EGF: variants seen among roughly 807,000 people sequenced by gnomAD.
EGF encodes pro-epidermal growth factor.
EGF carries 95 observed loss-of-function variants against 143.8 expected under a neutral mutation model. The observed-to-expected ratio is 0.66, with a 90% CI of 0.56 to 0.78. The LOEUF (loss-of-function observed/expected upper bound fraction) is 0.78, where lower values mean the gene tolerates loss of function less well. Among genes scored for constraint, EGF ranks in the 30% least tolerant of loss-of-function variants. The probability of loss-of-function intolerance (pLI) is 0.00; values close to 1 mark genes in which losing one functional copy is unlikely to be tolerated. For synonymous variants in EGF, 510 were observed against 510.5 expected, an observed-to-expected ratio of 1.00 and a Z score of 0.01; for missense variants, 1,320 against 1,470.9, an observed-to-expected ratio of 0.90 and a Z score of 1.68.
chr4:109,917,615 TTTTTTA>T (rs957980262), intron 1 of EGF, among the ~76,000 whole-genome samples: 24 of 152,024 alleles, frequency 1.6e-4, no homozygotes, highest in African/African-American at 4.6e-4. Context: ...GATCAGTTGG[TTTTTTA>T]TTTTTATTTT....
chr4:109,941,367 T>C (rs1461165377), intron 2 of EGF, among the ~76,000 whole-genome samples: 3 of 152,194 alleles, frequency 2.0e-5, no homozygotes, highest in Non-Finnish European at 4.4e-5. Context: ...AGGATATGAA[T>C]GTAATTTTGA....
intron 21 of EGF, chr4:110,001,602 T>A (rs1382984025): frequency 1.0e-6 from 1 of 985,094 alleles, no homozygotes; most frequent in Non-Finnish European, 1.2e-6. Flanking sequence ...CTATTTGTTG[T>A]GTTATGATAT....
chr4:109,991,220 T>TATATA (rs10649107), intron 18 of EGF, among the ~76,000 whole-genome samples: 34,578 of 151,948 alleles, frequency 0.23, 7,294 homozygotes, highest in African/African-American at 0.54. Context: ...AACATTTTAA[T>TATATA]ATCAGTGTAA....
chr4:110,007,725 G>A lies in EGF; in HGVS notation c.3292-427G>A, dbSNP rs1415608309. On this transcript the variant is annotated intron_variant, in intron 22 of 23. Coordinates refer to ENST00000265171, the MANE Select transcript of EGF (RefSeq NM_001963.6). ...CAAATTACTCAGAACTTGGTAGCAT[G>A]TTTAAATGAGTGTTATTAATGTGTG... Among the ~76,000 whole-genome samples the A allele has an allele frequency of 2.6e-5, 4 of 152,142 alleles. No homozygotes were observed. In the East Asian group the frequency reaches 7.7e-4, roughly 29 times the overall value.
chr4:109,993,171 C>G (rs1751273760), intron 18 of EGF, 76 bp from the exon 19 acceptor site: 5 of 1,599,628 alleles, frequency 3.1e-6, no homozygotes, highest in Non-Finnish European at 4.3e-6. Flanking sequence ...AGCTCCTCTT[C>G]CAAAGGCTGT....
chr4:109,917,850 C>G (rs969263703), intron 1 of EGF, among the ~76,000 whole-genome samples: 1 of 152,078 alleles, frequency 6.6e-6, no homozygotes, highest in Non-Finnish European at 1.5e-5. Context: ...GAACTCCTGA[C>G]CTCAAGTGAT....
At chr4:109,961,600 A>G (rs1210517003) in intron 7 of EGF, among the ~76,000 whole-genome samples, 1 of 152,198 alleles carries the variant, frequency 6.6e-6, no homozygotes, top group Admixed American at 6.5e-5. Flanking sequence ...TGTAAAAAAC[A>G]TAATCATGAT....
rs7653900 is a variant in EGF at position 110,012,699 on chromosome 4, T to C, written c.*1244T>C. On this transcript the variant is annotated 3_prime_UTR_variant, in exon 24 of 24. Coordinates refer to ENST00000265171, the MANE Select transcript of EGF (RefSeq NM_001963.6). The stretch of plus-strand genomic sequence containing the variant: ...CGTATTAGATTATAGGCATTAGCCA[T>C]GGTGCCCAGCCTTGTAACTTTTAAA... Among the ~76,000 whole-genome samples, 42,012 of 152,088 alleles carry C rather than the reference T, an allele frequency of 0.28. 10,749 individuals carry two copies. Among genetic ancestry groups the C allele is most frequent in the African/African-American group, 0.64 (26,608 of 41,428 alleles).
chr4:109,948,498 G>C (rs1031054712), intron 5 of EGF, among the ~76,000 whole-genome samples: 1 of 151,672 alleles, frequency 6.6e-6, no homozygotes, highest in African/African-American at 2.4e-5. Flanking sequence ...TTTTTTTTGG[G>C]GGGGTGGATG....
At chr4:109,968,404 G>T (rs1578290462) in intron 10 of EGF, among the ~76,000 whole-genome samples, 1 of 152,000 alleles carries the variant, frequency 6.6e-6, no homozygotes, top group Admixed American at 6.6e-5. Flanking sequence ...AGTGAAGTGG[G>T]GTGCTACAGA....
intron 1 of EGF, among the ~76,000 whole-genome samples, chr4:109,925,598 A>G (rs1319851646): frequency 6.6e-6 from 1 of 152,356 alleles, no homozygotes; most frequent in East Asian, 1.9e-4. Context: ...AAGAGTCAAC[A>G]TGAGTACTCC....
intron 1 of EGF, among the ~76,000 whole-genome samples, chr4:109,937,604 G>A (rs1232992914): frequency 6.6e-6 from 1 of 151,788 alleles, no homozygotes; most frequent in Non-Finnish European, 1.5e-5. Context: ...TTTCTTCATA[G>A]CGTCCATGGT....
At chr4:109,926,795 A>G (rs1479411108) in intron 1 of EGF, among the ~76,000 whole-genome samples, 1 of 152,246 alleles carries the variant, frequency 6.6e-6, no homozygotes, top group Non-Finnish European at 1.5e-5. Context: ...ACTTTATCCA[A>G]GTTATAGGTG....
At position 109,944,418 on chromosome 4, in the gene EGF, G is replaced by A. The variant is rs138041902; in HGVS notation, c.737+349G>A. On this transcript the variant is annotated intron_variant, in intron 4 of 23. Transcript: ENST00000265171. ...CGTGCCACTGCACTCCAGCCTGGGC[G>A]ACAGAGCGAGACTCCGTCTCAAGAA... is the stretch of plus-strand genomic sequence containing the variant. Among the ~76,000 whole-genome samples the A allele has an allele frequency of 5.3e-4, 81 of 152,350 alleles. No individual in the cohort carries two copies. In the East Asian group the frequency reaches 0.015, roughly 28 times the overall value.
rs1749764030 is a variant in EGF, at chr4:109,984,019, C to A, written c.2491+478C>A. On this transcript the variant is annotated intron_variant, in intron 16 of 23. Coordinates refer to ENST00000265171, the MANE Select transcript of EGF (RefSeq NM_001963.6). The stretch of plus-strand genomic sequence containing the variant: ...GTGTTGCACATTTGTCACTAAAATG[C>A]CAAATCATGTGTTCAGTATGTAACA... 3.3e-5 allele frequency among the ~76,000 whole-genome samples: 5 copies of A among 152,114 alleles called. No individual in the cohort carries two copies. The South Asian group carries it at 8.3e-4, about 25-fold the overall frequency.
At position 109,943,810 on chromosome 4, in the gene EGF, T is replaced by C. The variant is rs768345018; in HGVS notation, c.510-32T>C. 1.6e-5 allele frequency: 26 copies of C among 1,587,154 alleles called. No individual in the cohort carries two copies. In the Middle Eastern group the frequency reaches 5.0e-4, roughly 30 times the overall value. On this transcript the variant is annotated intron_variant, in intron 3 of 23. Transcript: ENST00000265171. ...GGCCATTTAAGGCACTATACATTCA[T>C]TTTTGGGTCTATGTAATGTGTTTGC...
chr4:109,998,670 A>G (rs1752147988), intron 20 of EGF, among the ~76,000 whole-genome samples: 1 of 152,228 alleles, frequency 6.6e-6, no homozygotes, highest in South Asian at 2.1e-4. Flanking sequence ...AGACAGGCCT[A>G]GAGCCCAGAT....
intron 11 of EGF, among the ~76,000 whole-genome samples, chr4:109,971,894 G>C (rs1324060423): frequency 1.3e-5 from 2 of 152,124 alleles, no homozygotes; most frequent in Admixed American, 1.3e-4. Context: ...ATGTAGGAAG[G>C]AAGCACATTG....
intron 5 of EGF, among the ~76,000 whole-genome samples, chr4:109,954,075 G>A (rs749893938): frequency 5.9e-5 from 9 of 151,932 alleles, no homozygotes; most frequent in Non-Finnish European, 8.8e-5. Context: ...ATTTTGAGAC[G>A]GAGTCTCGCT....
Sources: gnomAD v4.1 joint callset for allele counts (sites outside exome capture counted in the v4.1 genomes callset) on GRCh38, gnomAD v4.1.1 for gene constraint, MANE v1.5 for transcripts, NCBI Gene and HGNC (gene_info 2026-07-23, HGNC 2026-07-21) for gene names.